Variants in SLC24A3 observed in about 807,000 individuals in gnomAD.
SLC24A3 encodes sodium/potassium/calcium exchanger 3.
SLC24A3 carries 28 observed loss-of-function variants against 75.8 expected under a neutral mutation model. The observed-to-expected ratio is 0.37, with a 90% CI of 0.27 to 0.51. SLC24A3 has a LOEUF of 0.51. SLC24A3 is among the 20% of genes least tolerant of loss of function. The pLI, the probability that SLC24A3 is intolerant of heterozygous loss-of-function variation, is 0.94. For synonymous variants in SLC24A3, 372 were observed against 334.1 expected (o/e 1.11, Z -1.24); for missense variants, 663 against 847.8 (o/e 0.78, Z 2.71).
intron 3 of SLC24A3, among the ~76,000 whole-genome samples, chr20:19,575,672 T>C (rs1311870838): frequency 6.6e-6 from 1 of 152,240 alleles, no homozygotes; most frequent in Non-Finnish European, 1.5e-5. Context: ...AGCCATGGGC[T>C]TGGATTCCAG....
At chr20:19,474,811 A>T (rs1006605169) in intron 2 of SLC24A3, among the ~76,000 whole-genome samples, 1 of 152,122 alleles carries the variant, frequency 6.6e-6, no homozygotes, top group Non-Finnish European at 1.5e-5. Context: ...TCTACAACAG[A>T]TCTTTAGAAC....
intron 3 of SLC24A3, among the ~76,000 whole-genome samples, chr20:19,546,942 C>G (rs1413885110): frequency 6.6e-6 from 1 of 152,206 alleles, no homozygotes; most frequent in African/African-American, 2.4e-5. Context: ...TTTCTTCAGA[C>G]AACTAATCTC....
At chr20:19,439,751 G>A (rs1987267878) in intron 2 of SLC24A3, among the ~76,000 whole-genome samples, 1 of 152,214 alleles carries the variant, frequency 6.6e-6, no homozygotes, top group Non-Finnish European at 1.5e-5. Flanking sequence ...CAAGTTCAGA[G>A]GTCTCTGAAT....
At chr20:19,288,447 C>A (rs189321872) in intron 2 of SLC24A3, among the ~76,000 whole-genome samples, 1 of 152,204 alleles carries the variant, frequency 6.6e-6, no homozygotes, top group Non-Finnish European at 1.5e-5. Context: ...GCCCAGGCAG[C>A]CTAATTTGGT....
intron 2 of SLC24A3, among the ~76,000 whole-genome samples, chr20:19,340,977 T>C (rs1985259799): frequency 6.6e-6 from 1 of 152,208 alleles, no homozygotes; most frequent in South Asian, 2.1e-4. Context: ...CAGTGAATGA[T>C]AGAACCACAG....
At chr20:19,565,727 A>AATG (rs2122615844) in intron 3 of SLC24A3, among the ~76,000 whole-genome samples, 1 of 152,266 alleles carries the variant, frequency 6.6e-6, no homozygotes, top group African/African-American at 2.4e-5. Context: ...TGGCACCTTT[A>AATG]AATGAATGAA....
At chr20:19,524,307 C>T (rs1187265004) in intron 3 of SLC24A3, among the ~76,000 whole-genome samples, 1 of 152,202 alleles carries the variant, frequency 6.6e-6, no homozygotes, top group African/African-American at 2.4e-5. Context: ...CCCACAAAGA[C>T]TTCAGGACGT....
intron 6 of SLC24A3, among the ~76,000 whole-genome samples, chr20:19,622,851 C>T (rs1600307276): frequency 6.6e-6 from 1 of 152,258 alleles, no homozygotes; most frequent in East Asian, 1.9e-4. Flanking sequence ...AAGGAACTTC[C>T]ACTCATGGAG....
chr20:19,478,585 CTG>C (rs1568629510), intron 2 of SLC24A3, among the ~76,000 whole-genome samples: 1 of 152,132 alleles, frequency 6.6e-6, no homozygotes, highest in Non-Finnish European at 1.5e-5. Context: ...CCATGTGTGG[CTG>C]TGTCCCCAGC....
At chr20:19,457,468 G>A (rs554914469) in intron 2 of SLC24A3, among the ~76,000 whole-genome samples, 1 of 152,260 alleles carries the variant, frequency 6.6e-6, no homozygotes, top group East Asian at 1.9e-4. Flanking sequence ...TTCCATAAAA[G>A]AAAATAGTAT....
intron 15 of SLC24A3, among the ~76,000 whole-genome samples, chr20:19,715,717 G>A (rs747079675): frequency 2.0e-4 from 31 of 152,138 alleles, no homozygotes; most frequent in South Asian, 4.1e-4. Flanking sequence ...TAGTGAACTG[G>A]TGCAGTCATG....
intron 8 of SLC24A3, among the ~76,000 whole-genome samples, chr20:19,669,549 G>A (rs2032441208): frequency 6.6e-6 from 1 of 152,120 alleles, no homozygotes; most frequent in South Asian, 2.1e-4. Flanking sequence ...ATATTAGGAT[G>A]TATGCTCGAC....
chr20:19,437,394 T>C (rs1219530619), intron 2 of SLC24A3, among the ~76,000 whole-genome samples: 1 of 152,232 alleles, frequency 6.6e-6, no homozygotes, highest in Non-Finnish European at 1.5e-5. Flanking sequence ...TGAAGTGGTG[T>C]CTTCCACCAT....
intron 1 of SLC24A3, among the ~76,000 whole-genome samples, chr20:19,213,940 C>G (rs1051440365): frequency 6.6e-6 from 1 of 151,920 alleles, no homozygotes; most frequent in Non-Finnish European, 1.5e-5. Context: ...GAGAAAGAAA[C>G]AAAACAAAAC....
At chr20:19,613,219 T>G (rs919045126) in intron 6 of SLC24A3, among the ~76,000 whole-genome samples, 39 of 152,214 alleles carry the variant, frequency 2.6e-4, no homozygotes, top group Non-Finnish European at 1.0e-4. Flanking sequence ...AAAATCTATT[T>G]GTGTATTATA....
At chr20:19,666,334 G>A (rs11698523) in intron 8 of SLC24A3, among the ~76,000 whole-genome samples, 18,808 of 151,684 alleles carry the variant, frequency 0.12, 1,737 homozygotes, top group African/African-American at 0.26. Context: ...GTGAAACCTC[G>A]TCTCTACTAA....
chr20:19,593,217 C>T (rs1051473983), intron 6 of SLC24A3, among the ~76,000 whole-genome samples: 1 of 152,200 alleles, frequency 6.6e-6, no homozygotes, highest in Non-Finnish European at 1.5e-5. Flanking sequence ...CACCACATTC[C>T]CCACACTGCC....
chr20:19,250,288 A>G (rs560882504), intron 1 of SLC24A3, among the ~76,000 whole-genome samples: 3 of 152,354 alleles, frequency 2.0e-5, no homozygotes, highest in African/African-American at 7.2e-5. Context: ...AATTTCCACT[A>G]TCTTGATTGC....
rs1342849412 is a variant in SLC24A3 at position 19,389,519 on chromosome 20, T to G, written c.271+108432T>G. 2.6e-5 allele frequency among the ~76,000 whole-genome samples: 4 copies of G among 152,126 alleles called. No homozygotes were observed. The East Asian group carries it at 7.7e-4, about 29-fold the overall frequency. Reference sequence around the variant, plus strand: ...CTTGGTTAGCAGGGTTTTGTTTTTTTTTTCTTCTTCAATACTTTGAATATA... The same window carrying G: ...CTTGGTTAGCAGGGTTTTGTTTTTTGTTTCTTCTTCAATACTTTGAATATA... On this transcript the variant is annotated intron_variant, in intron 2 of 16. Transcript: ENST00000328041.
Sources: gnomAD v4.1 joint callset for allele counts (sites outside exome capture counted in the v4.1 genomes callset) on GRCh38, gnomAD v4.1.1 for gene constraint, MANE v1.5 for transcripts, NCBI Gene and HGNC (gene_info 2026-07-23, HGNC 2026-07-21) for gene names.